CTNNA3: variants seen among roughly 807,000 people sequenced by gnomAD.
CTNNA3 encodes the protein catenin alpha-3.
A neutral mutation model predicts 95.7 loss-of-function variants in CTNNA3; 76 were observed. The observed-to-expected ratio is 0.79, with a 90% CI of 0.66 to 0.96. The LOEUF is 0.96. CTNNA3 is among the 40% of genes least tolerant of loss of function. The pLI is 0.00. For synonymous variants in CTNNA3, 431 were observed against 374.4 expected (o/e 1.15, Z -1.74); for missense variants, 1,191 against 1,089.8 (o/e 1.09, Z -1.31).
chr10:66,034,799 C>T (rs1038997941), intron 15 of CTNNA3, among the ~76,000 whole-genome samples: 29 of 152,012 alleles, frequency 1.9e-4, no homozygotes, highest in African/African-American at 6.8e-4. Context: ...CACCCGTAAG[C>T]AAAACAAGAA....
At chr10:66,193,778 A>G (rs765231491) in intron 13 of CTNNA3, among the ~76,000 whole-genome samples, 1 of 152,266 alleles carries the variant, frequency 6.6e-6, no homozygotes, top group African/African-American at 2.4e-5. Flanking sequence ...AAGCATGGCA[A>G]CATATCCTGG....
intron 3 of CTNNA3, among the ~76,000 whole-genome samples, chr10:67,547,211 C>T (rs951069872): frequency 6.6e-6 from 1 of 151,972 alleles, no homozygotes; most frequent in Non-Finnish European, 1.5e-5. Context: ...ATAGCACCTC[C>T]CCCCCAAAAA....
At chr10:65,959,279 G>T (rs1430445053) in intron 17 of CTNNA3, among the ~76,000 whole-genome samples, 2 of 152,140 alleles carry the variant, frequency 1.3e-5, no homozygotes, top group Admixed American at 1.3e-4. Flanking sequence ...CAATTTTCCA[G>T]TTACCATCTG....
intron 11 of CTNNA3, among the ~76,000 whole-genome samples, chr10:66,494,608 AAAGGAGT>A (rs1219707099): frequency 6.9e-6 from 1 of 145,762 alleles, no homozygotes; most frequent in Admixed American, 6.8e-5. Flanking sequence ...TGGTAGCAGC[AAAGGAGT>A]AGAAGATAGA....
At chr10:67,502,992 G>A (rs1839281530) in intron 5 of CTNNA3, among the ~76,000 whole-genome samples, 1 of 152,170 alleles carries the variant, frequency 6.6e-6, no homozygotes, top group Admixed American at 6.5e-5. Flanking sequence ...TGACTCGCTG[G>A]CATTCCAGTT....
At chr10:67,229,706 C>A (rs1470243009) in intron 5 of CTNNA3, among the ~76,000 whole-genome samples, 1 of 152,126 alleles carries the variant, frequency 6.6e-6, no homozygotes, top group Non-Finnish European at 1.5e-5. Flanking sequence ...AAGAACTCAA[C>A]ACCTTTTACA....
chr10:66,816,278 G>T (rs370731552), intron 7 of CTNNA3, among the ~76,000 whole-genome samples: 37 of 152,122 alleles, frequency 2.4e-4, no homozygotes, highest in East Asian at 2.1e-3. Context: ...GAATGGAGGA[G>T]CACAAAATAT....
At chr10:67,262,875 A>C (rs1866675281) in intron 5 of CTNNA3, among the ~76,000 whole-genome samples, 1 of 152,240 alleles carries the variant, frequency 6.6e-6, no homozygotes, top group African/African-American at 2.4e-5. Context: ...CAAAGGCAAG[A>C]GTTCCAATAA....
intron 9 of CTNNA3, among the ~76,000 whole-genome samples, chr10:66,679,373 A>G (rs779450827): frequency 1.3e-5 from 2 of 152,198 alleles, no homozygotes; most frequent in Non-Finnish European, 2.9e-5. Flanking sequence ...TCGTGTAAAT[A>G]CAAGATGAGA....
At chr10:66,909,326 A>G (rs1285711609) in intron 7 of CTNNA3, among the ~76,000 whole-genome samples, 1 of 152,074 alleles carries the variant, frequency 6.6e-6, no homozygotes. Flanking sequence ...ACCAGCCAAC[A>G]CAGAGAAACC....
chr10:67,318,540 G>T (rs1303342567), intron 5 of CTNNA3, among the ~76,000 whole-genome samples: 2 of 152,168 alleles, frequency 1.3e-5, no homozygotes, highest in Admixed American at 1.3e-4. Flanking sequence ...GTCCCATATG[G>T]TATAGCCAGC....
intron 5 of CTNNA3, among the ~76,000 whole-genome samples, chr10:67,509,860 CCTGA>C (rs1001858360): frequency 1.8e-4 from 27 of 152,206 alleles, no homozygotes; most frequent in African/African-American, 6.5e-4. Context: ...TCTGTTGTTT[CCTGA>C]CTTTTTAATG....
intron 13 of CTNNA3, among the ~76,000 whole-genome samples, chr10:66,175,468 T>C (rs1278486206): frequency 6.6e-6 from 1 of 152,150 alleles, no homozygotes; most frequent in African/African-American, 2.4e-5. Flanking sequence ...GACAGGGATA[T>C]CACCAAACAC....
chr10:66,140,962 T>C (rs892471860), intron 13 of CTNNA3, among the ~76,000 whole-genome samples: 1 of 152,116 alleles, frequency 6.6e-6, no homozygotes, highest in Non-Finnish European at 1.5e-5. Context: ...AACATTTCAA[T>C]AGAAAATTTT....
At chr10:67,387,367 G>A (rs1027790143) in intron 5 of CTNNA3, among the ~76,000 whole-genome samples, 2 of 152,098 alleles carry the variant, frequency 1.3e-5, no homozygotes, top group Non-Finnish European at 2.9e-5. Context: ...AAAAAACGGC[G>A]CACCACGAGA....
At chr10:66,291,547 A>G (rs915461961) in intron 12 of CTNNA3, among the ~76,000 whole-genome samples, 1 of 152,112 alleles carries the variant, frequency 6.6e-6, no homozygotes. Context: ...TCAAACGTCC[A>G]GTTACATCTG....
chr10:66,336,241 C>T (rs528645187), intron 12 of CTNNA3, among the ~76,000 whole-genome samples: 16 of 152,156 alleles, frequency 1.1e-4, no homozygotes, highest in African/African-American at 3.4e-4. Context: ...CACTGTCCTG[C>T]ACCCACTGTC....
chr10:66,763,333 C>CAGAGAGAG (rs746523452), intron 9 of CTNNA3, among the ~76,000 whole-genome samples: 288 of 104,106 alleles, frequency 2.8e-3, no homozygotes, highest in Non-Finnish European at 4.0e-3. Flanking sequence ...CACACACACA[C>CAGAGAGAG]ACACACACAG....
chr10:67,121,634 T>C (rs1019663744), intron 7 of CTNNA3, among the ~76,000 whole-genome samples: 1 of 152,008 alleles, frequency 6.6e-6, no homozygotes, highest in Non-Finnish European at 1.5e-5. Context: ...CTGGCCACAG[T>C]ACACGTAAGT....
Sources: gnomAD v4.1 joint callset for allele counts (sites outside exome capture counted in the v4.1 genomes callset) on GRCh38, gnomAD v4.1.1 for gene constraint, MANE v1.5 for transcripts, NCBI Gene and HGNC (gene_info 2026-07-23, HGNC 2026-07-21) for gene names.